The following NUP205 variants were observed in gnomAD, a reference collection of about 807,000 sequenced individuals.
The protein encoded by NUP205 is nuclear pore complex protein Nup205.
A neutral mutation model predicts 253.8 loss-of-function variants in NUP205; 76 were observed. The ratio of observed to expected loss-of-function variants is 0.30; its 90% CI spans 0.25 to 0.36. The LOEUF (loss-of-function observed/expected upper bound fraction) is 0.36, where lower values mean the gene tolerates loss of function less well. NUP205 is among the 10% of genes least tolerant of loss of function. The pLI, the probability that NUP205 is intolerant of heterozygous loss-of-function variation, is 1.00. For missense variants in NUP205, 2,162 were observed against 2,425.5 expected, an observed-to-expected ratio of 0.89 and a Z score of 2.28; for synonymous variants, 832 against 850.1, an observed-to-expected ratio of 0.98 and a Z score of 0.37.
chr7:135,607,100 GC>G (rs1794102259), intron 21 of NUP205, 146 bp from the exon 22 acceptor site: 1 of 1,174,582 alleles, frequency 8.5e-7, no homozygotes, highest in African/African-American at 1.5e-5. Context: ...TAGAGAATCA[GC>G]CTTTATCAAT....
intron 1 of NUP205, among the ~76,000 whole-genome samples, chr7:135,560,231 G>C (rs528946248): frequency 6.6e-5 from 10 of 151,912 alleles, no homozygotes; most frequent in African/African-American, 1.9e-4. Context: ...CCTGACCTCA[G>C]GTGATCCGCC....
chr7:135,577,842 T>C lies in NUP205; in HGVS notation c.695T>C (p.Leu232Pro). ...KECRQSLAES[L>P]FAWACQSPLG... Reference sequence around the variant, plus strand: ...TGCAGGCAGTCTCTTGCAGAAAGCCTTTTTGCCTGGGCTTGCCAGTCACCT... The same window carrying C: ...TGCAGGCAGTCTCTTGCAGAAAGCCCTTTTGCCTGGGCTTGCCAGTCACCT... Residue 232 changes from leucine (L) to proline (P), a missense_variant, in exon 6 of 43, where the codon CTT (leucine) becomes CCT (proline). Leu to Pro is a moderately conservative substitution (Grantham distance 98). Transcript: ENST00000285968. 6.2e-7 allele frequency: 1 copy of C among 1,614,054 alleles called. No individual in the cohort carries two copies. The highest frequency in any genetic ancestry group is 1.7e-5 in the Admixed American group (1 of 60,022).
chr7:135,634,490 A>G (rs1488780764), intron 35 of NUP205, among the ~76,000 whole-genome samples: 2 of 152,312 alleles, frequency 1.3e-5, no homozygotes, highest in East Asian at 1.9e-4. Flanking sequence ...CAAGGAGTTC[A>G]GATGGGAAAG....
In NUP205 at chr7:135,629,169, T is replaced by G. The variant is rs183394583; in HGVS notation, c.4932+1058T>G. On this transcript the variant is annotated intron_variant, in intron 34 of 42. Coordinates refer to ENST00000285968, the MANE Select transcript of NUP205 (RefSeq NM_015135.3). ...AAAAATGATCACAATTCTGAGTGAT[T>G]CACATCCTTGGCTTGTTTTGGCATA... is the stretch of plus-strand genomic sequence containing the variant. Among the ~76,000 whole-genome samples, 451 of 152,354 alleles carry G rather than the reference T, an allele frequency of 3.0e-3. 6 individuals carry two copies. The highest frequency in any genetic ancestry group is 4.0e-3 in the Non-Finnish European group (270 of 68,030).
intron 13 of NUP205, among the ~76,000 whole-genome samples, chr7:135,596,341 T>A (rs1483308471): frequency 6.6e-6 from 1 of 152,158 alleles, no homozygotes; most frequent in Non-Finnish European, 1.5e-5. Flanking sequence ...AGAGTTGGGG[T>A]TTGCTGAGAG....
At chr7:135,558,772 A>AT (rs1358974659) in intron 1 of NUP205, among the ~76,000 whole-genome samples, 1 of 152,232 alleles carries the variant, frequency 6.6e-6, no homozygotes, top group Admixed American at 6.5e-5. Context: ...CGGAAAAATA[A>AT]TTTGGTGCCT....
chr7:135,606,665 G>A (rs2129490712), intron 20 of NUP205, 86 bp from the exon 21 acceptor site: 4 of 989,976 alleles, frequency 4.0e-6, no homozygotes, highest in Non-Finnish European at 6.2e-6. Flanking sequence ...AAAACATGGA[G>A]TTGGAATACA....
chr7:135,619,967 T>G, intron 30 of NUP205, 79 bp downstream of exon 30: 1 of 908,530 alleles, frequency 1.1e-6, no homozygotes, highest in Non-Finnish European at 1.8e-6. Context: ...CACTTCTCCA[T>G]CTTTTGACTA....
Position 135,637,979 on chromosome 7 carries a change from C to T in NUP205, c.5185C>T (p.Arg1729Cys), listed in dbSNP as rs748082092. 7.4e-6 allele frequency: 12 copies of T among 1,613,726 alleles called. No individual in the cohort carries two copies. Among genetic ancestry groups the T allele is most frequent in the East Asian group, 2.2e-5 (1 of 44,872 alleles). Residue 1729 changes from arginine to cysteine, a missense_variant, in exon 37 of 43, where the codon CGT (arginine) becomes TGT (cysteine). Around this residue, in one of 5 missense-constraint regions of NUP205, gnomAD observed 1,144 missense variants for 1,280.9 expected, o/e 0.89. Transcript: ENST00000285968. Reference sequence around the variant, plus strand: ...TCGCTTTGGTGGCTCTGACAGACTGCGTCAGTTTAAATTTCAAGACGATAA... The same window carrying T: ...TCGCTTTGGTGGCTCTGACAGACTGTGTCAGTTTAAATTTCAAGACGATAA... ...LSRFGGSDRL[R>C]QFKFQDDNVE...
intron 7 of NUP205, among the ~76,000 whole-genome samples, chr7:135,580,690 G>A (rs373365632): frequency 6.6e-6 from 1 of 151,990 alleles, no homozygotes; most frequent in Non-Finnish European, 1.5e-5. Context: ...CTCGAACTCC[G>A]GAGCTCAGGC....
In NUP205 at chr7:135,638,002, T is replaced by C. The variant is rs1204320547; in HGVS notation, c.5208T>C (p.Asp1736=). 1 of 1,614,062 alleles carries C rather than the reference T, an allele frequency of 6.2e-7. No homozygotes were observed. Among genetic ancestry groups the C allele is most frequent in the Non-Finnish European group, 8.5e-7 (1 of 1,179,948 alleles). Reference sequence around the variant, plus strand: ...TGCGTCAGTTTAAATTTCAAGACGATAATGTGGAGGGAGATAAAGTAAGCA... The same window carrying C: ...TGCGTCAGTTTAAATTTCAAGACGACAATGTGGAGGGAGATAAAGTAAGCA... ...DRLRQFKFQD[D]NVEGDKVSKK... The change falls in exon 37 of 43, where the codon GAT becomes GAC. Residue 1736 remains aspartate, a synonymous_variant. Transcript: ENST00000285968.
In NUP205 at chr7:135,602,873, A is replaced by T; in HGVS notation, c.2581A>T (p.Asn861Tyr). ...ALLNLTLQKE[N>Y]LFMDLLRESQ... Reference sequence around the variant, plus strand: ...TCTCAATCTTACTCTGCAAAAGGAAAATCTTTTTATGGACCTTCTAAGAGA... The same window carrying T: ...TCTCAATCTTACTCTGCAAAAGGAATATCTTTTTATGGACCTTCTAAGAGA... The change falls in exon 18 of 43, where the codon AAT (asparagine) becomes TAT (tyrosine). Residue 861 changes from asparagine to tyrosine, a missense_variant. Coordinates refer to ENST00000285968, the MANE Select transcript of NUP205 (RefSeq NM_015135.3). 3.7e-6 allele frequency: 6 copies of T among 1,613,970 alleles called. No individual in the cohort carries two copies. Among genetic ancestry groups the T allele is most frequent in the Non-Finnish European group, 5.1e-6 (6 of 1,179,912 alleles).
chr7:135,597,915 T>C, intron 14 of NUP205, 83 bp from the exon 15 acceptor site: 1 of 1,029,346 alleles, frequency 9.7e-7, no homozygotes, highest in Non-Finnish European at 1.5e-6. Context: ...TTAGCACTAT[T>C]AATATGTTAA....
rs556189342 is a variant in NUP205, at chr7:135,583,628, C to T, written c.1043-1204C>T. ...TACAAAAATTAGCCAGGTGTGTTGG[C>T]GCACACCTATAATCCCAGCTACTTG... On this transcript the variant is annotated intron_variant, in intron 7 of 42. Coordinates refer to ENST00000285968, the MANE Select transcript of NUP205 (RefSeq NM_015135.3). Among the ~76,000 whole-genome samples the T allele has an allele frequency of 2.0e-4, 30 of 151,994 alleles. 1 individual carries two copies. The South Asian group carries it at 4.2e-3, about 21-fold the overall frequency.
chr7:135,646,394 C>T (rs1795011539), intron 42 of NUP205, among the ~76,000 whole-genome samples, 163 bp downstream of exon 42: 1 of 151,394 alleles, frequency 6.6e-6, no homozygotes, highest in South Asian at 2.1e-4. Context: ...GAGACCCCGT[C>T]TCTTAAAAAA....
intron 34 of NUP205, among the ~76,000 whole-genome samples, chr7:135,629,125 G>C (rs1794652923): frequency 6.6e-6 from 1 of 152,150 alleles, no homozygotes; most frequent in African/African-American, 2.4e-5. Context: ...GCTTAGGCTA[G>C]GAATCTTTAT....
chr7:135,639,682 C>T (rs1563140038), intron 38 of NUP205, among the ~76,000 whole-genome samples: 1 of 143,634 alleles, frequency 7.0e-6, no homozygotes, highest in East Asian at 2.1e-4. Flanking sequence ...CAGAGTGAGA[C>T]TTTGTCTCAA....
chr7:135,616,785 A>G (rs1430362974), intron 25 of NUP205, 59 bp downstream of exon 25: 1 of 1,035,220 alleles, frequency 9.7e-7, no homozygotes, highest in African/African-American at 1.7e-5. Context: ...AAAAAAAAAA[A>G]ACTTCAAGGG....
chr7:135,637,893 T>G (rs868765411), intron 36 of NUP205, 38 bp from the exon 37 acceptor site: 6 of 1,575,936 alleles, frequency 3.8e-6, no homozygotes, highest in Middle Eastern at 3.4e-4. Flanking sequence ...AGGTTACTAA[T>G]TTTAAATACA....
Sources: gnomAD v4.1 joint callset for allele counts (sites outside exome capture counted in the v4.1 genomes callset) on GRCh38, gnomAD v4.1.1 for gene constraint, gnomAD v4.1.1 regional missense constraint, MANE v1.5 for transcripts, NCBI Gene and HGNC (gene_info 2026-07-23, HGNC 2026-07-21) for gene names.